The following ANO4 variants were observed in gnomAD, a reference collection of about 807,000 sequenced individuals.
The protein encoded by ANO4 is anoctamin-4.
ANO4 carries 69 observed loss-of-function variants against 141.9 expected under a neutral mutation model. The observed-to-expected ratio is 0.49, with a 90% confidence interval of 0.40 to 0.59. ANO4 has a LOEUF of 0.59. ANO4 is among the 20% of genes least tolerant of loss of function. ANO4 has a pLI of 0.00. For synonymous variants in ANO4, 350 were observed against 394.3 expected (o/e 0.89, Z 1.33); for missense variants, 894 against 1,162.2 (o/e 0.77, Z 3.36).
intron 17 of ANO4, among the ~76,000 whole-genome samples, chr12:101,090,771 G>C (rs2049737981): frequency 6.6e-6 from 1 of 152,068 alleles, no homozygotes; most frequent in African/African-American, 2.4e-5. Context: ...AAATGCCTAT[G>C]TACAGGAAGT....
At chr12:100,849,626 A>G (rs1457865182) in intron 1 of ANO4, among the ~76,000 whole-genome samples, 1 of 152,162 alleles carries the variant, frequency 6.6e-6, no homozygotes, top group African/African-American at 2.4e-5. Context: ...GATATATTCC[A>G]ATTCATTTTA....
intron 14 of ANO4, among the ~76,000 whole-genome samples, chr12:101,075,494 T>A (rs2048983594): frequency 2.6e-5 from 4 of 151,074 alleles, no homozygotes. Context: ...AGAAAATTCT[T>A]GTGGAAAGAG....
intron 1 of ANO4, among the ~76,000 whole-genome samples, chr12:100,870,991 G>A (rs1054641641): frequency 2.0e-5 from 3 of 152,128 alleles, no homozygotes; most frequent in Admixed American, 6.5e-5. Context: ...AGTGGTAGGA[G>A]ATGACAAAAA....
chr12:100,772,714 A>G (rs1200520093), intron 3 of ANO4, among the ~76,000 whole-genome samples: 2 of 152,242 alleles, frequency 1.3e-5, no homozygotes, highest in Non-Finnish European at 2.9e-5. Flanking sequence ...TCATATTGCC[A>G]TGGTGACCTT....
chr12:101,111,861 AAAT>A (rs1422896926), intron 24 of ANO4, 151 bp downstream of exon 24: 37 of 572,038 alleles, frequency 6.5e-5, no homozygotes, highest in South Asian at 1.2e-4. Flanking sequence ...GATTTATTAT[AAAT>A]AATAATAATA....
chr12:100,791,293 C>G (rs1239328453), upstream of ANO4, among the ~76,000 whole-genome samples: 1 of 151,968 alleles, frequency 6.6e-6, no homozygotes, highest in Non-Finnish European at 1.5e-5. Flanking sequence ...ACCTGTGGTC[C>G]CAGTTACTTG....
intron 26 of ANO4, among the ~76,000 whole-genome samples, chr12:101,122,340 G>A (rs917381121): frequency 6.6e-6 from 1 of 152,144 alleles, no homozygotes; most frequent in African/African-American, 2.4e-5. Flanking sequence ...TCTGTACGGT[G>A]TCTGTTTACT....
At chr12:100,778,477 C>T (rs1980121) in intron 3 of ANO4, among the ~76,000 whole-genome samples, 7,240 of 152,192 alleles carry the variant, frequency 0.048, 494 homozygotes, top group African/African-American at 0.15. Context: ...AGATGCAAAA[C>T]GCAAGAATCC....
At chr12:101,078,756 G>A (rs2049125936) in intron 14 of ANO4, among the ~76,000 whole-genome samples, 1 of 152,094 alleles carries the variant, frequency 6.6e-6, no homozygotes, top group South Asian at 2.1e-4. Flanking sequence ...GTTTCATTTT[G>A]ACTTTTCTGC....
chr12:100,994,713 T>A (rs2045292055), intron 8 of ANO4, among the ~76,000 whole-genome samples: 1 of 152,232 alleles, frequency 6.6e-6, no homozygotes, highest in African/African-American at 2.4e-5. Flanking sequence ...GCACATATGT[T>A]TAAATATATA....
intron 7 of ANO4, among the ~76,000 whole-genome samples, chr12:100,984,499 A>G (rs1200159547): frequency 2.6e-5 from 4 of 152,210 alleles, no homozygotes; most frequent in African/African-American, 7.2e-5. Flanking sequence ...AATGCTTGCT[A>G]TCTGTCTGGC....
At chr12:100,812,205 G>A (rs1262677097) in intron 1 of ANO4, among the ~76,000 whole-genome samples, 6 of 152,100 alleles carry the variant, frequency 3.9e-5, no homozygotes, top group African/African-American at 7.2e-5. Context: ...CTAGAACTGG[G>A]TTTTGCATTT....
At chr12:101,070,080 G>A (rs2048747942) in intron 14 of ANO4, among the ~76,000 whole-genome samples, 1 of 152,082 alleles carries the variant, frequency 6.6e-6, no homozygotes, top group Non-Finnish European at 1.5e-5. Flanking sequence ...TTGTTAAGAT[G>A]CCCACACTAC....
chr12:101,062,481 G>A (rs2048391882), intron 14 of ANO4, among the ~76,000 whole-genome samples: 1 of 152,180 alleles, frequency 6.6e-6, no homozygotes, highest in African/African-American at 2.4e-5. Flanking sequence ...AAGCTGCCCC[G>A]ACAGCCACTG....
At chr12:101,048,152 A>C in intron 13 of ANO4, 189 bp from the exon 14 acceptor site, 3 of 1,027,968 alleles carry the variant, frequency 2.9e-6, no homozygotes, top group Non-Finnish European at 2.7e-6. Flanking sequence ...TATCCTCTAT[A>C]TATGAACTAC....
intron 26 of ANO4, among the ~76,000 whole-genome samples, chr12:101,125,530 A>G (rs1181859685): frequency 6.6e-6 from 1 of 152,170 alleles, no homozygotes; most frequent in African/African-American, 2.4e-5. Flanking sequence ...AAGAGAGGGC[A>G]TCCTTGTCTT....
intron 1 of ANO4, among the ~76,000 whole-genome samples, chr12:100,889,005 T>TA (rs1473801539): frequency 2.0e-5 from 3 of 151,142 alleles, no homozygotes; most frequent in African/African-American, 7.3e-5. Flanking sequence ...GCATTAGGTA[T>TA]ATCTCCTAAT....
At chr12:101,028,858 C>T (rs2046850344) in intron 9 of ANO4, among the ~76,000 whole-genome samples, 1 of 152,114 alleles carries the variant, frequency 6.6e-6, no homozygotes, top group Admixed American at 6.5e-5. Context: ...ACAAGAAGAT[C>T]AACCCCAAGA....
intron 27 of ANO4, 23 bp downstream of exon 27, chr12:101,127,097 G>T (rs3741954): frequency 5.6e-6 from 9 of 1,595,922 alleles, no homozygotes; most frequent in African/African-American, 5.4e-5. Context: ...TGTGCTCAGC[G>T]TCTGAGGCCA....
Sources: gnomAD v4.1 joint callset for allele counts (sites outside exome capture counted in the v4.1 genomes callset) on GRCh38, gnomAD v4.1.1 for gene constraint, MANE v1.5 for transcripts, NCBI Gene and HGNC (gene_info 2026-07-23, HGNC 2026-07-21) for gene names.